FARS2: variants seen among roughly 807,000 people sequenced by gnomAD.
FARS2 encodes the protein phenylalanine--tRNA ligase, mitochondrial.
FARS2 carries 40 observed loss-of-function variants against 46.4 expected under a neutral mutation model. The observed-to-expected ratio is 0.86, with a 90% CI of 0.67 to 1.12. The LOEUF is 1.12. Among genes scored for constraint, FARS2 ranks in the 50% most tolerant of loss-of-function variants. FARS2 has a pLI of 0.00. For missense variants in FARS2, 513 were observed against 567.9 expected, an observed-to-expected ratio of 0.90 and a Z score of 0.98; for synonymous variants, 234 against 214.9, an observed-to-expected ratio of 1.09 and a Z score of -0.78.
At chr6:5,624,031 G>A (rs192327007) in intron 6 of FARS2, among the ~76,000 whole-genome samples, 2 of 152,316 alleles carry the variant, frequency 1.3e-5, no homozygotes, top group African/African-American at 4.8e-5. Flanking sequence ...CAGTACCAAG[G>A]GGATGGCCAG....
chr6:5,748,723 A>G lies in FARS2; in HGVS notation c.1218-22568A>G, dbSNP rs924332220. Among the ~76,000 whole-genome samples, 2 of 152,250 alleles carry G rather than the reference A, an allele frequency of 1.3e-5. 1 individual carries two copies. Among genetic ancestry groups the G allele is most frequent in the South Asian group, 4.1e-4 (2 of 4,836 alleles). ...TAACCAAAAATGAGTTAGTTCAACT[A>G]TTGCCAGCCAGTTCTGAATACTTTT... On this transcript the variant is annotated intron_variant, in intron 6 of 6. Transcript: ENST00000274680.
intron 5 of FARS2, among the ~76,000 whole-genome samples, chr6:5,563,313 G>A (rs1346112731): frequency 6.6e-6 from 1 of 152,132 alleles, no homozygotes; most frequent in Non-Finnish European, 1.5e-5. Flanking sequence ...GGGAATATGT[G>A]GGGGCAGCCA....
At chr6:5,362,287 T>C (rs1758353875) in intron 1 of FARS2, among the ~76,000 whole-genome samples, 1 of 152,222 alleles carries the variant, frequency 6.6e-6, no homozygotes. Flanking sequence ...TTCATTGTTG[T>C]TTAATACTCT....
chr6:5,639,235 G>C (rs150672987), intron 6 of FARS2, among the ~76,000 whole-genome samples: 1 of 152,200 alleles, frequency 6.6e-6, no homozygotes, highest in African/African-American at 2.4e-5. Flanking sequence ...CAAGGTACTG[G>C]ATTTTTCATT....
chr6:5,341,233 A>ATTTTTTTTTTTT (rs1561970169), intron 1 of FARS2, among the ~76,000 whole-genome samples: 1 of 6,708 alleles, frequency 1.5e-4, no homozygotes, highest in African/African-American at 3.5e-4. Flanking sequence ...ATATATATAT[A>ATTTTTTTTTTTT]TATTTTTTTT....
chr6:5,560,238 G>A (rs1416051217), intron 5 of FARS2, among the ~76,000 whole-genome samples: 2 of 152,118 alleles, frequency 1.3e-5, no homozygotes, highest in Admixed American at 6.5e-5. Context: ...AATTAGGGGT[G>A]TTTCCTTCTA....
At chr6:5,646,248 C>T (rs191503238) in intron 6 of FARS2, among the ~76,000 whole-genome samples, 6 of 152,142 alleles carry the variant, frequency 3.9e-5, no homozygotes, top group South Asian at 2.1e-4. Context: ...CACTGTTTTC[C>T]GAGTATATCT....
intron 1 of FARS2, among the ~76,000 whole-genome samples, chr6:5,346,336 T>A (rs1399309145): frequency 6.6e-6 from 1 of 152,192 alleles, no homozygotes; most frequent in Non-Finnish European, 1.5e-5. Flanking sequence ...ATTTTCTGTG[T>A]ATTTGGGTGT....
intron 5 of FARS2, among the ~76,000 whole-genome samples, chr6:5,568,522 G>A (rs1397102723): frequency 6.6e-6 from 1 of 152,144 alleles, no homozygotes; most frequent in Non-Finnish European, 1.5e-5. Flanking sequence ...AAGGTAGCTA[G>A]GCCTGAGGAG....
intron 1 of FARS2, among the ~76,000 whole-genome samples, chr6:5,269,459 T>TAA (rs10707069): frequency 7.3e-6 from 1 of 137,626 alleles, no homozygotes; most frequent in African/African-American, 2.7e-5. Context: ...TAAAGTATAA[T>TAA]AAAAAAAAAA....
At chr6:5,353,954 T>C (rs1344674924) in intron 1 of FARS2, among the ~76,000 whole-genome samples, 1 of 151,122 alleles carries the variant, frequency 6.6e-6, no homozygotes, top group Non-Finnish European at 1.5e-5. Flanking sequence ...TTTTTTTTTT[T>C]AAAAGTGATT....
At chr6:5,740,802 C>T (rs913042693) in intron 6 of FARS2, among the ~76,000 whole-genome samples, 2 of 152,198 alleles carry the variant, frequency 1.3e-5, no homozygotes, top group Non-Finnish European at 2.9e-5. Flanking sequence ...CTAGAGACTT[C>T]AGCACTCCAG....
intron 5 of FARS2, chr6:5,609,492 T>A: frequency 1.6e-6 from 2 of 1,227,020 alleles, no homozygotes; most frequent in East Asian, 4.6e-5. Context: ...TCCACCACCA[T>A]CATGGCTGCC....
At chr6:5,600,918 G>C (rs930193065) in intron 5 of FARS2, among the ~76,000 whole-genome samples, 1 of 152,164 alleles carries the variant, frequency 6.6e-6, no homozygotes, top group South Asian at 2.1e-4. Context: ...CCAACCACTA[G>C]GGTATTAGGA....
At chr6:5,444,093 G>A (rs1323627974) in intron 4 of FARS2, among the ~76,000 whole-genome samples, 2 of 4,456 alleles carry the variant, frequency 4.5e-4, no homozygotes, top group Admixed American at 1.6e-3. Flanking sequence ...GAAGATCCTC[G>A]TGTGTGTGTG....
chr6:5,466,582 C>G, intron 4 of FARS2: 1 of 985,288 alleles, frequency 1.0e-6, no homozygotes, highest in Non-Finnish European at 1.2e-6. Flanking sequence ...TCACATCAAC[C>G]CAGAGGATAT....
intron 4 of FARS2, among the ~76,000 whole-genome samples, chr6:5,503,335 A>G (rs1231293566): frequency 6.6e-6 from 1 of 151,092 alleles, no homozygotes; most frequent in Non-Finnish European, 1.5e-5. Context: ...ATTATATCAT[A>G]TACTAGAAAT....
chr6:5,372,983 G>A (rs199970393), intron 2 of FARS2, among the ~76,000 whole-genome samples: 200 of 152,216 alleles, frequency 1.3e-3, no homozygotes, highest in South Asian at 5.4e-3. Context: ...ACCAAATTGA[G>A]AGAGCAACTA....
chr6:5,658,425 A>G (rs1233644661), intron 6 of FARS2, among the ~76,000 whole-genome samples: 2 of 152,194 alleles, frequency 1.3e-5, no homozygotes, highest in African/African-American at 4.8e-5. Flanking sequence ...TAAACTCCAA[A>G]AACATATGGG....
Sources: gnomAD v4.1 joint callset for allele counts (sites outside exome capture counted in the v4.1 genomes callset) on GRCh38, gnomAD v4.1.1 for gene constraint, MANE v1.5 for transcripts, NCBI Gene and HGNC (gene_info 2026-07-23, HGNC 2026-07-21) for gene names.